The following R3HCC1L variants were observed in gnomAD, a reference collection of about 807,000 sequenced individuals.
The protein encoded by R3HCC1L is R3H domain and coiled-coil containing 1 like.
R3HCC1L carries 51 observed loss-of-function variants against 59.9 expected under a neutral mutation model. The ratio of observed to expected loss-of-function variants is 0.85; its 90% CI spans 0.68 to 1.07. The LOEUF (loss-of-function observed/expected upper bound fraction) is 1.07, where lower values mean the gene tolerates loss of function less well. R3HCC1L is among the 50% of genes least tolerant of loss of function. The pLI is 0.00. For missense variants in R3HCC1L, 965 were observed against 933.0 expected (o/e 1.03, Z -0.45); for synonymous variants, 322 against 315.2 (o/e 1.02, Z -0.23).
At chr10:98,216,884 A>T (rs186578542) in intron 5 of R3HCC1L, among the ~76,000 whole-genome samples, 1 of 152,296 alleles carries the variant, frequency 6.6e-6, no homozygotes, top group African/African-American at 2.4e-5. Context: ...CCAGCTTAGA[A>T]TAAGTCTTGT....
In R3HCC1L at chr10:98,208,718, G is replaced by C; in HGVS notation, c.604G>C (p.Asp202His). 6.2e-7 allele frequency: 1 copy of C among 1,614,096 alleles called. No homozygotes were observed. The highest frequency in any genetic ancestry group is 8.5e-7 in the Non-Finnish European group (1 of 1,179,994). ...TGATGGGGAAGCATTTGAAGACAAA[G>C]ATTTGGAAGGCAGAATTGAAACTGA... ...EPDGEAFEDKDLEGRIETDTK... is the reference protein window; with the variant it reads ...EPDGEAFEDKHLEGRIETDTK... The change falls in exon 5 of 10, where the codon GAT (aspartate) becomes CAT (histidine). Residue 202 changes from aspartate (D) to histidine (H), a missense_variant. By Grantham distance (81) the Asp-to-His change is moderately conservative (BLOSUM62 -1). Coordinates refer to ENST00000298999, the MANE Select transcript of R3HCC1L (RefSeq NM_001351015.2).
At chr10:98,157,506 C>A (rs1847002731) in intron 2 of R3HCC1L, among the ~76,000 whole-genome samples, 1 of 152,210 alleles carries the variant, frequency 6.6e-6, no homozygotes, top group African/African-American at 2.4e-5. Flanking sequence ...CCAGTGCCCT[C>A]CCGGCATTTC....
chr10:98,208,045 T>A, intron 4 of R3HCC1L, 56 bp from the exon 5 acceptor site: 5 of 1,449,600 alleles, frequency 3.4e-6, no homozygotes, highest in Non-Finnish European at 3.7e-6. Flanking sequence ...AAGAAAATAT[T>A]TTGGTTCAAT....
chr10:98,177,686 G>A (rs939180719), intron 4 of R3HCC1L, among the ~76,000 whole-genome samples: 1 of 152,120 alleles, frequency 6.6e-6, no homozygotes, highest in Non-Finnish European at 1.5e-5. Flanking sequence ...ATCCTCTTCA[G>A]CACCTGTTGT....
intron 5 of R3HCC1L, among the ~76,000 whole-genome samples, chr10:98,212,168 A>G (rs537202807): frequency 1.3e-5 from 2 of 152,260 alleles, no homozygotes; most frequent in South Asian, 4.1e-4. Flanking sequence ...AAATGTAATA[A>G]TGATACTGTT....
intron 1 of R3HCC1L, among the ~76,000 whole-genome samples, chr10:98,153,328 C>T (rs1413645843): frequency 6.6e-6 from 1 of 152,154 alleles, no homozygotes; most frequent in Non-Finnish European, 1.5e-5. Flanking sequence ...CCTGTGCTCT[C>T]TGAAACATGT....
chr10:98,153,496 C>T lies in R3HCC1L; in HGVS notation c.-267-2597C>T, dbSNP rs919909122. On this transcript the variant is annotated intron_variant, in intron 1 of 9. Transcript: ENST00000298999. ...CTGCGGAAGGCCGCAGGGTCCTCTG[C>T]CTAAGAAAACCAGAGACCTTTGTTC... 2.6e-5 allele frequency among the ~76,000 whole-genome samples: 4 copies of T among 151,982 alleles called. No individual in the cohort carries two copies. In the East Asian group the frequency reaches 5.8e-4, roughly 22 times the overall value.
chr10:98,175,879 TG>T (rs1404740466), intron 4 of R3HCC1L, among the ~76,000 whole-genome samples: 1 of 152,196 alleles, frequency 6.6e-6, no homozygotes, highest in African/African-American at 2.4e-5. Context: ...ACAAAGATTT[TG>T]TTCTATATTT....
Position 98,167,756 on chromosome 10 carries a change from A to AG in R3HCC1L, c.-15+4359_-15+4360insG, listed in dbSNP as rs571048301. ...CTTGGAAACTGTGTAATCTTAAGTA[A>AG]CTTAAGTTTCAGATTTTTCATCTGT... is the stretch of plus-strand genomic sequence containing the variant. On this transcript the variant is annotated intron_variant, in intron 4 of 9. Transcript: ENST00000298999. Among the ~76,000 whole-genome samples the AG allele has an allele frequency of 3.0e-3, 455 of 152,340 alleles. 4 individuals carry two copies. The highest frequency in any genetic ancestry group is 9.3e-3 in the African/African-American group (386 of 41,564).
chr10:98,174,470 G>T (rs1848801861), intron 4 of R3HCC1L: 2 of 678,048 alleles, frequency 2.9e-6, no homozygotes, highest in African/African-American at 3.9e-5. Context: ...GCATATGAAA[G>T]ATACTATCTG....
intron 5 of R3HCC1L, among the ~76,000 whole-genome samples, chr10:98,228,335 G>T (rs1373576339): frequency 2.0e-5 from 3 of 152,210 alleles, no homozygotes; most frequent in African/African-American, 7.2e-5. Context: ...GATGACCAGT[G>T]ATGATGAGCA....
intron 4 of R3HCC1L, among the ~76,000 whole-genome samples, chr10:98,194,136 A>T (rs61875283): frequency 0.19 from 28,299 of 151,988 alleles, 2,726 homozygotes; most frequent in Middle Eastern, 0.21. Flanking sequence ...ACAAGCAGAC[A>T]TATAGACCAG....
At chr10:98,204,548 G>A (rs1289543719) in intron 4 of R3HCC1L, among the ~76,000 whole-genome samples, 1 of 152,172 alleles carries the variant, frequency 6.6e-6, no homozygotes, top group Non-Finnish European at 1.5e-5. Flanking sequence ...CTTGCCTATA[G>A]TTGCAAAAGA....
intron 4 of R3HCC1L, among the ~76,000 whole-genome samples, chr10:98,201,804 G>A (rs878893973): frequency 6.6e-6 from 1 of 152,118 alleles, no homozygotes; most frequent in Middle Eastern, 3.4e-3. Flanking sequence ...GTTGCCTTCA[G>A]CCTTGATTTT....
chr10:98,236,526 C>T (rs1168461962), intron 9 of R3HCC1L, among the ~76,000 whole-genome samples: 1 of 152,172 alleles, frequency 6.6e-6, no homozygotes, highest in African/African-American at 2.4e-5. Context: ...GCCACGATTG[C>T]CATGATATTG....
At chr10:98,228,533 T>A (rs565404821) in intron 5 of R3HCC1L, among the ~76,000 whole-genome samples, 2 of 152,334 alleles carry the variant, frequency 1.3e-5, no homozygotes, top group East Asian at 3.9e-4. Context: ...TTCTGTAGGT[T>A]GCCTGTTCAC....
Position 98,146,693 on chromosome 10 carries a change from C to A in R3HCC1L, c.-267-9400C>A, listed in dbSNP as rs146703584. Among the ~76,000 whole-genome samples, 6 of 152,272 alleles carry A rather than the reference C, an allele frequency of 3.9e-5. No homozygotes were observed. In the East Asian group the frequency reaches 1.2e-3, roughly 29 times the overall value. On this transcript the variant is annotated intron_variant, in intron 1 of 9. Coordinates refer to ENST00000298999, the MANE Select transcript of R3HCC1L (RefSeq NM_001351015.2). ...TACTTTTAAATTATTTTTATCAGGG[C>A]AACCTTCTGAACCAGAATAGATTCA...
chr10:98,211,403 A>G (rs1853558943), intron 5 of R3HCC1L: 1 of 1,492,228 alleles, frequency 6.7e-7, no homozygotes, highest in African/African-American at 1.4e-5. Context: ...AATGACTGTC[A>G]GCCCATAATT....
At chr10:98,234,224 C>A (rs796523201) in intron 6 of R3HCC1L, among the ~76,000 whole-genome samples, 3 of 152,276 alleles carry the variant, frequency 2.0e-5, no homozygotes, top group Middle Eastern at 3.4e-3. Context: ...TGGCTGAGAA[C>A]GTAAAATACT....
Sources: gnomAD v4.1 joint callset for allele counts (sites outside exome capture counted in the v4.1 genomes callset) on GRCh38, gnomAD v4.1.1 for gene constraint, MANE v1.5 for transcripts, NCBI Gene and HGNC (gene_info 2026-07-23, HGNC 2026-07-21) for gene names.